Variants in TMEM135 observed in about 807,000 individuals in gnomAD.
TMEM135 encodes transmembrane protein 135, also known as peroxisomal membrane protein 52.
A neutral mutation model predicts 60.3 loss-of-function variants in TMEM135; 30 were observed. The observed-to-expected ratio is 0.50, with a 90% CI of 0.37 to 0.68. The LOEUF (loss-of-function observed/expected upper bound fraction) is 0.68, where lower values mean the gene tolerates loss of function less well. TMEM135 is among the 30% of genes least tolerant of loss of function. The pLI is 0.00. For missense variants in TMEM135, 468 were observed against 548.8 expected, an observed-to-expected ratio of 0.85 and a Z score of 1.47; for synonymous variants, 190 against 186.7, an observed-to-expected ratio of 1.02 and a Z score of -0.14.
intron 10 of TMEM135, among the ~76,000 whole-genome samples, chr11:87,312,426 G>A (rs1489930100): frequency 1.3e-5 from 2 of 151,272 alleles, no homozygotes; most frequent in Non-Finnish European, 3.0e-5. Context: ...AACATTTATC[G>A]TTTATCTTTA....
intron 5 of TMEM135, among the ~76,000 whole-genome samples, chr11:87,233,576 T>C (rs886099778): frequency 1.3e-5 from 2 of 152,124 alleles, no homozygotes; most frequent in African/African-American, 4.8e-5. Context: ...AATTGTACAC[T>C]TTAAATATGT....
At chr11:87,157,435 A>T (rs1168148733) in intron 5 of TMEM135, 29 bp downstream of exon 5, 3 of 1,584,388 alleles carry the variant, frequency 1.9e-6, no homozygotes, top group Admixed American at 3.4e-5. Context: ...TATAGTTATT[A>T]GTTGTTAATT....
intron 5 of TMEM135, among the ~76,000 whole-genome samples, chr11:87,195,674 C>T (rs187860946): frequency 1.6e-3 from 242 of 152,088 alleles, no homozygotes; most frequent in African/African-American, 5.7e-3. Context: ...CCTCCCAAAG[C>T]GTTGGGATTA....
At chr11:87,129,213 A>ATTTTTTTTTTTTTTTT (rs71040295) in intron 4 of TMEM135, among the ~76,000 whole-genome samples, 7 of 116,264 alleles carry the variant, frequency 6.0e-5, no homozygotes, top group Middle Eastern at 4.0e-3. Flanking sequence ...TTATTCCTTA[A>ATTTTTTTTTTTTTTTT]TTTTTTTTTT....
chr11:87,107,623 A>G (rs1045560337), intron 4 of TMEM135, among the ~76,000 whole-genome samples: 5 of 152,150 alleles, frequency 3.3e-5, no homozygotes, highest in African/African-American at 9.7e-5. Flanking sequence ...ATAGTATTCC[A>G]TGGCGTGTAT....
chr11:87,236,529 T>C (rs1383339583), intron 5 of TMEM135, 109 bp from the exon 6 acceptor site: 1 of 919,232 alleles, frequency 1.1e-6, no homozygotes, highest in East Asian at 2.4e-5. Flanking sequence ...GGTTTGTATA[T>C]CCTTTTATTG....
chr11:87,294,026 G>A (rs1942309942), intron 6 of TMEM135, among the ~76,000 whole-genome samples: 1 of 152,108 alleles, frequency 6.6e-6, no homozygotes, highest in African/African-American at 2.4e-5. Flanking sequence ...AGCATCTATT[G>A]TTCCCTGACT....
intron 5 of TMEM135, among the ~76,000 whole-genome samples, chr11:87,211,324 T>G (rs746627769): frequency 6.6e-6 from 1 of 152,240 alleles, no homozygotes; most frequent in Non-Finnish European, 1.5e-5. Flanking sequence ...TTATGCATCC[T>G]TAGTTCATAG....
intron 4 of TMEM135, among the ~76,000 whole-genome samples, chr11:87,153,768 T>A (rs1199152165): frequency 6.6e-6 from 1 of 152,216 alleles, no homozygotes; most frequent in Non-Finnish European, 1.5e-5. Context: ...ACAGTGCTTA[T>A]GAAATAATTG....
intron 4 of TMEM135, among the ~76,000 whole-genome samples, chr11:87,136,524 G>T (rs142475946): frequency 2.0e-5 from 3 of 152,122 alleles, no homozygotes; most frequent in Admixed American, 2.0e-4. Flanking sequence ...AATGACTTAA[G>T]TAGAATTTCT....
At chr11:87,140,873 G>C (rs1186472309) in intron 4 of TMEM135, among the ~76,000 whole-genome samples, 1 of 152,120 alleles carries the variant, frequency 6.6e-6, no homozygotes. Flanking sequence ...ACCTCTGTTA[G>C]TTGAAGAACC....
chr11:87,038,312 A>C, intron 1 of TMEM135, 126 bp downstream of exon 1: 3 of 302,292 alleles, frequency 9.9e-6, no homozygotes, highest in Non-Finnish European at 1.5e-5. Context: ...GAGGGGTCGG[A>C]GTGTTTTGGG....
At chr11:87,158,908 A>G (rs528212109) in intron 5 of TMEM135, among the ~76,000 whole-genome samples, 1 of 152,350 alleles carries the variant, frequency 6.6e-6, no homozygotes, top group Admixed American at 6.5e-5. Flanking sequence ...TAATCTGCCT[A>G]TGATGTCTAA....
chr11:87,102,627 T>C (rs1419712344), intron 4 of TMEM135, among the ~76,000 whole-genome samples: 2 of 150,710 alleles, frequency 1.3e-5, no homozygotes, highest in Non-Finnish European at 3.0e-5. Context: ...TTATTTTTAA[T>C]TGACAAGTCA....
rs583334 is a variant in TMEM135 at position 87,123,823 on chromosome 11, A to T, written c.396+32428A>T. Among the ~76,000 whole-genome samples, 8 of 152,000 alleles carry T rather than the reference A, an allele frequency of 5.3e-5. No homozygotes were observed. The East Asian group carries it at 1.6e-3, about 30-fold the overall frequency. Reference sequence around the variant, plus strand: ...ATCTTCCAGACATTTTGCTGGGTTTATTGACATCTTTTCTCTTGTTTATTC... The same window carrying T: ...ATCTTCCAGACATTTTGCTGGGTTTTTTGACATCTTTTCTCTTGTTTATTC... On this transcript the variant is annotated intron_variant, in intron 4 of 14. Transcript: ENST00000305494.
intron 5 of TMEM135, among the ~76,000 whole-genome samples, chr11:87,176,778 G>A (rs1024669776): frequency 2.0e-5 from 3 of 152,140 alleles, no homozygotes; most frequent in African/African-American, 7.2e-5. Context: ...GGGTTAGGGA[G>A]TGAGTGAATG....
At chr11:87,138,075 A>G (rs1452911630) in intron 4 of TMEM135, among the ~76,000 whole-genome samples, 1 of 148,170 alleles carries the variant, frequency 6.7e-6, no homozygotes, top group African/African-American at 2.5e-5. Flanking sequence ...GTTTAAAAAG[A>G]CCAAGTTGAT....
At chr11:87,074,768 A>G (rs12285441) in intron 3 of TMEM135, among the ~76,000 whole-genome samples, 21,207 of 152,174 alleles carry the variant, frequency 0.14, 1,570 homozygotes, top group Non-Finnish European at 0.16. Flanking sequence ...CTTAAAAATA[A>G]GGATATTTTT....
At chr11:87,232,405 A>G (rs1940908659) in intron 5 of TMEM135, among the ~76,000 whole-genome samples, 1 of 152,136 alleles carries the variant, frequency 6.6e-6, no homozygotes, top group East Asian at 1.9e-4. Context: ...AATTTAATAG[A>G]AACTGTAAAC....
Sources: allele counts gnomAD v4.1 joint callset (sites outside exome capture counted in the v4.1 genomes callset), GRCh38; gene constraint gnomAD v4.1.1; transcripts MANE v1.5; gene names NCBI Gene and HGNC (gene_info 2026-07-23, HGNC 2026-07-21).